The following FGR variants were observed in gnomAD, a reference collection of about 807,000 sequenced individuals.
FGR encodes the protein tyrosine-protein kinase Fgr.
A neutral mutation model predicts 63.2 loss-of-function variants in FGR; 26 were observed. That is an observed-to-expected ratio of 0.41 (90% CI 0.30 to 0.57). The LOEUF is 0.57. Among genes scored for constraint, FGR ranks in the 20% least tolerant of loss-of-function variants. FGR has a pLI of 0.27. For missense variants in FGR, 511 were observed against 690.8 expected, an observed-to-expected ratio of 0.74 and a Z score of 2.92; for synonymous variants, 286 against 277.7, an observed-to-expected ratio of 1.03 and a Z score of -0.30.
chr1:27,613,307 G>T lies in FGR; in HGVS notation c.1293C>A (p.Leu431=). The change falls in exon 12 of 13, where the codon CTC becomes CTA. Residue 431 remains leucine, a synonymous_variant. Transcript: ENST00000374005. ...CTGACTTGATGGTGAATCTGCCAAA[G>T]AGGGCAGCTTCTGGGGCTGTCCACT... ...PIKWTAPEAA[L]FGRFTIKSDV... is the part of the protein sequence containing the mutation. 1 of 1,614,188 alleles carries T rather than the reference G, an allele frequency of 6.2e-7. No individual in the cohort carries two copies. Among genetic ancestry groups the T allele is most frequent in the Non-Finnish European group, 8.5e-7 (1 of 1,180,024 alleles).
chr1:27,628,516 TACACACACACACAC>T (rs56021900), intron 1 of FGR, among the ~76,000 whole-genome samples: 1,170 of 91,304 alleles, frequency 0.013, 28 homozygotes, highest in African/African-American at 0.046. Flanking sequence ...CATGTAGGGA[TACACACACACACAC>T]ACACACACAC....
Position 27,616,513 on chromosome 1 carries a change from G to A in FGR, c.682+344C>T, listed in dbSNP as rs928382254. Among the ~76,000 whole-genome samples the A allele has an allele frequency of 3.9e-5, 6 of 152,202 alleles. No homozygotes were observed. The highest frequency in any genetic ancestry group is 2.4e-5 in the African/African-American group (1 of 41,438). On this transcript the variant is annotated intron_variant, in intron 7 of 12. Coordinates refer to ENST00000374005, the MANE Select transcript of FGR (RefSeq NM_005248.3). The surrounding 1 kb of genome is among the most constrained non-coding windows in gnomAD (Gnocchi z 4.3). ...CCAGCCTCTGTCACCCCCTGCTCAGGGCCCTGTGATGATGGCTCCCTGTCT... is the reference window on the plus strand; with the variant it reads ...CCAGCCTCTGTCACCCCCTGCTCAGAGCCCTGTGATGATGGCTCCCTGTCT...
In FGR at chr1:27,613,018, G is replaced by C. The variant is rs371312816; in HGVS notation, c.1486C>G (p.Arg496Gly). 1 of 1,614,192 alleles carries C rather than the reference G, an allele frequency of 6.2e-7. No individual in the cohort carries two copies. The highest frequency in any genetic ancestry group is 1.3e-5 in the African/African-American group (1 of 75,058). Reference sequence around the variant, plus strand: ...GTAGGCCTCTCCTCCGGGTCCAGACGCCAGGTCTGTTCCATGGCCTCGTAC... The same window carrying C: ...GTAGGCCTCTCCTCCGGGTCCAGACCCCAGGTCTGTTCCATGGCCTCGTAC... ...SLYEAMEQTW[R>G]LDPEERPTFE... is the part of the protein sequence containing the mutation. Residue 496 changes from arginine (R) to glycine (G), a missense_variant, in exon 13 of 13, where the codon CGT becomes GGT. Physicochemically the swap from Arg to Gly is moderately radical, Grantham distance 125. Transcript: ENST00000374005.
chr1:27,623,576 G>T, intron 3 of FGR, 115 bp downstream of exon 3: 2 of 1,024,832 alleles, frequency 2.0e-6, no homozygotes, highest in Non-Finnish European at 3.0e-6. Context: ...TTGAAAGCGG[G>T]GTTGTATCTG....
intron 1 of FGR, chr1:27,625,998 A>C: frequency 2.5e-6 from 1 of 399,712 alleles, no homozygotes; most frequent in Non-Finnish European, 4.4e-6. Context: ...CTGTGCTCCC[A>C]GCCACCCTAG....
rs2089831349 is a variant in FGR, at chr1:27,617,227, C to T, written c.498G>A (p.Gly166=). Residue 166 remains glycine (G), a synonymous_variant, in exon 6 of 13, where the codon GGG becomes GGA. Transcript: ENST00000374005. The surrounding 1 kb of genome is among the most constrained non-coding windows in gnomAD (Gnocchi z 4.5). ...RQLLSPGNPQ[G]AFLIRESETT... ...TCTCGCTTTCCCGAATGAGAAAGGC[C>T]CCCTGGGGGTTGCCTGGTGAAAGCA... 3 of 1,614,170 alleles carry T rather than the reference C, an allele frequency of 1.9e-6. No homozygotes were observed. The highest frequency in any genetic ancestry group is 2.5e-6 in the Non-Finnish European group (3 of 1,180,010).
Position 27,614,427 on chromosome 1 carries a change from C to T in FGR, c.1249+3G>A, listed in dbSNP as rs761010060. 4.5e-5 allele frequency: 72 copies of T among 1,610,122 alleles called. No individual in the cohort carries two copies. The highest frequency in any genetic ancestry group is 5.6e-5 in the Non-Finnish European group (66 of 1,177,526). On this transcript the variant is annotated splice_donor_region_variant and intron_variant, in intron 11 of 12. Transcript: ENST00000374005. The stretch of plus-strand genomic sequence containing the variant: ...TCTTGGAAGGTGGGGTGAAGCAGGG[C>T]ACCTTGGCAGGGGTTGTACTCATCG...
At chr1:27,631,933 C>G (rs1453722659) in intron 1 of FGR, among the ~76,000 whole-genome samples, 1 of 151,980 alleles carries the variant, frequency 6.6e-6, no homozygotes, top group African/African-American at 2.4e-5. Context: ...GGTCAGGGAG[C>G]AAGGCTGAGG....
intron 2 of FGR, among the ~76,000 whole-genome samples, chr1:27,624,384 G>A (rs2231864): frequency 7.6e-4 from 115 of 152,216 alleles, no homozygotes; most frequent in Non-Finnish European, 1.4e-3. Flanking sequence ...ATACAGGTGC[G>A]TGCCAGTACC....
chr1:27,633,951 A>AG (rs1356146298), intron 1 of FGR, among the ~76,000 whole-genome samples: 2 of 152,198 alleles, frequency 1.3e-5, no homozygotes, highest in Admixed American at 6.5e-5. Context: ...GGCCCAGAGA[A>AG]GCCCTGTAAC....
Position 27,612,526 on chromosome 1 carries a change from C to T in FGR, c.*388G>A, listed in dbSNP as rs372514182. The T allele has an allele frequency of 5.1e-5, 9 of 175,838 alleles. No homozygotes were observed. The highest frequency in any genetic ancestry group is 2.2e-4 in the Admixed American group (4 of 17,780). 10.9% of individuals were successfully genotyped at this position (175,838 alleles called of 1,614,324 possible). Reference sequence around the variant, plus strand: ...TAGAGGGTAGAAGGGAAATTCTTGGCACCTGGACTAGAGTGAGATAAAAGG... The same window carrying T: ...TAGAGGGTAGAAGGGAAATTCTTGGTACCTGGACTAGAGTGAGATAAAAGG... On this transcript the variant is annotated 3_prime_UTR_variant, in exon 13 of 13. Coordinates refer to ENST00000374005, the MANE Select transcript of FGR (RefSeq NM_005248.3).
chr1:27,628,171 C>CAAAAAAAAAAA (rs1371903594), intron 1 of FGR, among the ~76,000 whole-genome samples: 1 of 86,416 alleles, frequency 1.2e-5, no homozygotes, highest in African/African-American at 4.0e-5. Context: ...AGCTCTGTCT[C>CAAAAAAAAAAA]AAAAAAAAAA....
At chr1:27,629,032 A>G (rs1228919802) in intron 1 of FGR, among the ~76,000 whole-genome samples, 3 of 152,190 alleles carry the variant, frequency 2.0e-5, no homozygotes, top group East Asian at 3.9e-4. Context: ...GTCAGAGGAA[A>G]GAAAGAGATG....
chr1:27,632,326 T>C (rs1464575616), intron 1 of FGR, among the ~76,000 whole-genome samples: 6 of 152,000 alleles, frequency 3.9e-5, no homozygotes, highest in Admixed American at 3.9e-4. Context: ...TTAGTAGAGA[T>C]GGGGTTTAGT....
chr1:27,621,775 C>G, intron 4 of FGR, 118 bp from the exon 5 acceptor site: 1 of 705,456 alleles, frequency 1.4e-6, no homozygotes, highest in East Asian at 2.8e-5. Flanking sequence ...ATCTTGGACA[C>G]CCCCCACCAC....
At chr1:27,619,631 G>T (rs2089883104) in intron 5 of FGR, among the ~76,000 whole-genome samples, 1 of 152,260 alleles carries the variant, frequency 6.6e-6, no homozygotes, top group Non-Finnish European at 1.5e-5. Flanking sequence ...CCCTTCCTCT[G>T]GGCTGATTCA....
At position 27,617,658 on chromosome 1, in the gene FGR, G is replaced by A. The variant is rs951134176; in HGVS notation, c.429-362C>T. Among the ~76,000 whole-genome samples, 1 of 152,142 alleles carries A rather than the reference G, an allele frequency of 6.6e-6. No individual in the cohort carries two copies. Among genetic ancestry groups the A allele is most frequent in the Non-Finnish European group, 1.5e-5 (1 of 68,040 alleles). ...GAGAGGGAAAGTGACCTGTCCACAG[G>A]CTGGCTAATGAGCTCCACCTAAAAT... is the stretch of plus-strand genomic sequence containing the variant. On this transcript the variant is annotated intron_variant, in intron 5 of 12. Coordinates refer to ENST00000374005, the MANE Select transcript of FGR (RefSeq NM_005248.3). The surrounding 1 kb of genome is among the most constrained non-coding windows in gnomAD (Gnocchi z 4.5).
chr1:27,633,465 A>T (rs1258707739), intron 1 of FGR, among the ~76,000 whole-genome samples: 2 of 152,210 alleles, frequency 1.3e-5, no homozygotes, highest in Admixed American at 1.3e-4. Context: ...CCTCCCCAGT[A>T]TGGGCTCTCA....
chr1:27,614,001 A>G (rs1220662248), intron 11 of FGR, among the ~76,000 whole-genome samples: 1 of 152,202 alleles, frequency 6.6e-6, no homozygotes, highest in Non-Finnish European at 1.5e-5. Flanking sequence ...TTTACAGACG[A>G]GGAAACGGAG....
Sources: gnomAD v4.1 joint callset for allele counts (sites outside exome capture counted in the v4.1 genomes callset) on GRCh38, gnomAD v4.1.1 for gene constraint, Gnocchi (gnomAD v3.1) non-coding constraint, MANE v1.5 for transcripts, NCBI Gene and HGNC (gene_info 2026-07-23, HGNC 2026-07-21) for gene names.